The following DPYS variants were observed in gnomAD, a reference collection of about 807,000 sequenced individuals.
DPYS encodes dihydropyrimidine amidohydrolase.
A neutral mutation model predicts 50.3 loss-of-function variants in DPYS; 39 were observed. The observed-to-expected ratio is 0.78, with a 90% CI of 0.60 to 1.01. The LOEUF (loss-of-function observed/expected upper bound fraction) is 1.01, where lower values mean the gene tolerates loss of function less well. DPYS is among the 50% of genes least tolerant of loss of function. DPYS has a pLI of 0.00. For missense variants in DPYS, 659 were observed against 680.9 expected (o/e 0.97, Z 0.36); for synonymous variants, 245 against 250.7 (o/e 0.98, Z 0.22).
intron 7 of DPYS, among the ~76,000 whole-genome samples, chr8:104,417,719 A>G (rs1812414207): frequency 6.6e-6 from 1 of 152,188 alleles, no homozygotes; most frequent in Non-Finnish European, 1.5e-5. Flanking sequence ...TTTACACTAA[A>G]TGCAGTTTGT....
intron 7 of DPYS, chr8:104,423,908 C>A (rs1227544121): frequency 2.3e-6 from 2 of 871,362 alleles, no homozygotes; most frequent in African/African-American, 1.8e-5. Flanking sequence ...CAATTCAACC[C>A]TTTTCAAACT....
At chr8:104,388,783 T>G (rs1811296197) in intron 8 of DPYS, among the ~76,000 whole-genome samples, 1 of 152,210 alleles carries the variant, frequency 6.6e-6, no homozygotes, top group Non-Finnish European at 1.5e-5. Flanking sequence ...GATAAAAACG[T>G]CTTCTCTTTC....
intron 8 of DPYS, among the ~76,000 whole-genome samples, chr8:104,387,384 A>C (rs544499569): frequency 4.6e-5 from 7 of 152,368 alleles, no homozygotes; most frequent in African/African-American, 1.7e-4. Flanking sequence ...GCTGTGAGCT[A>C]CAAAGCTGGG....
Position 104,466,959 on chromosome 8 carries a change from G to A in DPYS, c.-39C>T, listed in dbSNP as rs1814441924. 1 of 1,394,642 alleles carries A rather than the reference G, an allele frequency of 7.2e-7. No homozygotes were observed. Among genetic ancestry groups the A allele is most frequent in the East Asian group, 2.9e-5 (1 of 34,166 alleles). 86.4% of individuals were successfully genotyped at this position (1,394,642 alleles called of 1,614,324 possible). A position where few individuals can be genotyped will look rare whatever the true frequency, so the allele number is the denominator to read the frequency against. On this transcript the variant is annotated 5_prime_UTR_variant, in exon 1 of 10. Transcript: ENST00000351513. ...CGGGGTCCTACTCGGCCCGGGCTGC[G>A]CGCAGGGGCTGGGTTGGGCGGGCCG... is the stretch of plus-strand genomic sequence containing the variant.
Position 104,434,496 on chromosome 8 carries a change from G to A in DPYS, c.794-4795C>T, listed in dbSNP as rs1010359584. On this transcript the variant is annotated intron_variant, in intron 4 of 9. Coordinates refer to ENST00000351513, the MANE Select transcript of DPYS (RefSeq NM_001385.3). ...AGGAGGGGTCCATTCAGATGGTTAA[G>A]GGGCCTTAGAATTTTATTTTTGGTT... Among the ~76,000 whole-genome samples, 3 of 152,166 alleles carry A rather than the reference G, an allele frequency of 2.0e-5. No homozygotes were observed. In the East Asian group the frequency reaches 5.8e-4, roughly 29 times the overall value.
intron 4 of DPYS, among the ~76,000 whole-genome samples, chr8:104,430,076 A>G (rs1181831610): frequency 6.6e-6 from 1 of 152,202 alleles, no homozygotes; most frequent in Non-Finnish European, 1.5e-5. Context: ...ATTTCTCTAC[A>G]TTTACATTAC....
intron 4 of DPYS, among the ~76,000 whole-genome samples, chr8:104,438,626 G>GT (rs1813234729): frequency 6.6e-6 from 1 of 152,114 alleles, no homozygotes; most frequent in African/African-American, 2.4e-5. Context: ...ATTTTACCCT[G>GT]TGACAGTTCT....
At chr8:104,442,522 C>T (rs1363288616) in intron 4 of DPYS, among the ~76,000 whole-genome samples, 1 of 152,164 alleles carries the variant, frequency 6.6e-6, no homozygotes, top group African/African-American at 2.4e-5. Flanking sequence ...GTGGGAAAAA[C>T]CTATAACTTT....
chr8:104,424,814 T>C (rs552198603), intron 6 of DPYS, among the ~76,000 whole-genome samples: 1 of 149,476 alleles, frequency 6.7e-6, no homozygotes, highest in African/African-American at 2.5e-5. Flanking sequence ...AGAGTGAGAA[T>C]AGGTGACAAC....
At chr8:104,427,832 G>A in intron 6 of DPYS, 148 bp downstream of exon 6, 6 of 1,113,728 alleles carry the variant, frequency 5.4e-6, no homozygotes, top group East Asian at 4.7e-5. Flanking sequence ...AATGGTGGTC[G>A]AGGTGATAGT....
At chr8:104,409,772 T>C (rs1354100351) in intron 7 of DPYS, among the ~76,000 whole-genome samples, 1 of 152,210 alleles carries the variant, frequency 6.6e-6, no homozygotes, top group Non-Finnish European at 1.5e-5. Context: ...CATTAACTCT[T>C]CTCAACAAGC....
At chr8:104,454,347 T>C (rs1435421715) in intron 1 of DPYS, among the ~76,000 whole-genome samples, 1 of 152,136 alleles carries the variant, frequency 6.6e-6, no homozygotes, top group East Asian at 1.9e-4. Flanking sequence ...GATCATGCCA[T>C]TGCACTCCAG....
At position 104,429,604 on chromosome 8, in the gene DPYS, C is replaced by A; in HGVS notation, c.891G>T (p.Met297Ile). 2 of 1,614,124 alleles carry A rather than the reference C, an allele frequency of 1.2e-6. No individual in the cohort carries two copies. Among genetic ancestry groups the A allele is most frequent in the Non-Finnish European group, 1.7e-6 (2 of 1,180,012 alleles). Reference protein sequence around the residue: ...KEWHHAAHHVMGPPLRPDPST... With the variant: ...KEWHHAAHHVIGPPLRPDPST... ...AGGGGTCTGGTCGCAAAGGTGGACC[C>A]ATGACATGGTGGGCTGCATGGTGCC... Residue 297 changes from methionine (M) to isoleucine (I), a missense_variant, in exon 5 of 10, where the codon ATG (methionine) becomes ATT (isoleucine). By Grantham distance (10) the Met-to-Ile change is conservative (BLOSUM62 1). Transcript: ENST00000351513.
intron 1 of DPYS, among the ~76,000 whole-genome samples, chr8:104,451,861 T>C (rs1260773716): frequency 6.6e-6 from 1 of 152,164 alleles, no homozygotes; most frequent in Non-Finnish European, 1.5e-5. Context: ...TTGCCTCCAT[T>C]CCCAGAAACC....
intron 1 of DPYS, among the ~76,000 whole-genome samples, chr8:104,465,337 G>A (rs1165276884): frequency 6.6e-6 from 1 of 152,072 alleles, no homozygotes; most frequent in South Asian, 2.1e-4. Context: ...AGGGAGGAAG[G>A]AAGCCTACTA....
At chr8:104,440,154 T>A (rs1269564447) in intron 4 of DPYS, among the ~76,000 whole-genome samples, 1 of 152,170 alleles carries the variant, frequency 6.6e-6, no homozygotes, top group Non-Finnish European at 1.5e-5. Context: ...CAGGCACATA[T>A]TAAGCACTCA....
intron 8 of DPYS, among the ~76,000 whole-genome samples, chr8:104,382,090 A>G (rs562864631): frequency 6.6e-6 from 1 of 152,168 alleles, no homozygotes; most frequent in African/African-American, 2.4e-5. Flanking sequence ...AAATAAACCT[A>G]TCTCTCAGAT....
At chr8:104,397,330 G>C (rs1011577989) in intron 7 of DPYS, among the ~76,000 whole-genome samples, 1 of 152,206 alleles carries the variant, frequency 6.6e-6, no homozygotes, top group African/African-American at 2.4e-5. Context: ...TTAAGACAGA[G>C]ACTAGGTTGG....
intron 1 of DPYS, 78 bp from the exon 2 acceptor site, chr8:104,451,482 T>C: frequency 6.3e-7 from 1 of 1,591,032 alleles, no homozygotes; most frequent in Non-Finnish European, 8.6e-7. Flanking sequence ...ACAATGTGCA[T>C]TTGTAAGCAC....
Sources: gnomAD v4.1 joint callset for allele counts (sites outside exome capture counted in the v4.1 genomes callset) on GRCh38, gnomAD v4.1.1 for gene constraint, MANE v1.5 for transcripts, NCBI Gene and HGNC (gene_info 2026-07-23, HGNC 2026-07-21) for gene names.